Variants in ANKRD36C observed in about 807,000 individuals in gnomAD.
ANKRD36C encodes the protein ankyrin repeat domain 36C, also known as ankyrin repeat domain-containing protein 36C.
Under a neutral mutation model 276.4 loss-of-function variants are expected in ANKRD36C, and 61 were observed. The ratio of observed to expected loss-of-function variants is 0.22; its 90% CI spans 0.18 to 0.27. ANKRD36C has a LOEUF of 0.27. Ranked by LOEUF, ANKRD36C falls within the 10% of genes least tolerant of loss-of-function variation. ANKRD36C has a pLI of 1.00. For missense variants in ANKRD36C, 1,447 were observed against 2,032.3 expected (o/e 0.71, Z 5.54); for synonymous variants, 483 against 680.1 (o/e 0.71, Z 4.51).
intron 6 of ANKRD36C, among the ~76,000 whole-genome samples, chr2:95,975,477 G>A (rs1238389888): frequency 1.3e-5 from 2 of 152,028 alleles, no homozygotes; most frequent in African/African-American, 4.8e-5. Context: ...AATGCTGCAT[G>A]TCTACAACTA....
chr2:95,879,337 A>G (rs376403806), intron 58 of ANKRD36C, among the ~76,000 whole-genome samples: 1,551 of 152,078 alleles, frequency 0.01, 15 homozygotes, highest in African/African-American at 0.017. Context: ...AGGATGCTTA[A>G]TAAGTACAAA....
chr2:95,921,896 G>GACCT, intron 32 of ANKRD36C, 86 bp from the exon 33 acceptor site: 1 of 1,379,982 alleles, frequency 7.2e-7, no homozygotes, highest in Non-Finnish European at 9.8e-7. Context: ...AGCTGTATCT[G>GACCT]CCTGCCTGTA....
At chr2:95,893,124 G>T (rs1168462316) in intron 44 of ANKRD36C, among the ~76,000 whole-genome samples, 1 of 151,332 alleles carries the variant, frequency 6.6e-6, no homozygotes, top group African/African-American at 2.4e-5. Flanking sequence ...GGTCTCCTTA[G>T]TTCTCCTACA....
At chr2:95,885,159 T>C (rs1676172449) in intron 52 of ANKRD36C, among the ~76,000 whole-genome samples, 1 of 152,000 alleles carries the variant, frequency 6.6e-6, no homozygotes, top group African/African-American at 2.4e-5. Context: ...CCAATATTCA[T>C]TGAAAATGAC....
chr2:95,867,653 G>A (rs1256661927), intron 59 of ANKRD36C, 72 bp from the exon 80 acceptor site: 1 of 1,531,880 alleles, frequency 6.5e-7, no homozygotes, highest in Non-Finnish European at 8.8e-7. Flanking sequence ...TACAGAAGTG[G>A]GAATTGCCCA....
intron 13 of ANKRD36C, 131 bp downstream of exon 13, chr2:95,956,655 G>C: frequency 4.5e-6 from 4 of 890,216 alleles, no homozygotes; most frequent in Non-Finnish European, 6.4e-6. Flanking sequence ...GTGTGGAGAT[G>C]ACATGACATG....
At position 95,956,716 on chromosome 2, in the gene ANKRD36C, C is replaced by T. The variant is rs146041519; in HGVS notation, c.1136+70G>A. 135 of 1,379,922 alleles carry T rather than the reference C, an allele frequency of 9.8e-5. 1 individual carries two copies. In the African/African-American group the frequency reaches 1.2e-3, roughly 13 times the overall value. 85.5% of individuals were successfully genotyped at this position (1,379,922 alleles called of 1,614,324 possible). A position where few individuals can be genotyped will look rare whatever the true frequency, so the allele number is the denominator to read the frequency against. On this transcript the variant is annotated intron_variant, in intron 13 of 66. Coordinates refer to ENST00000456556, the Ensembl canonical transcript of ANKRD36C. ...GTCTAGCACAGAGGAGAACACTAAA[C>T]GGGCACTAGTTTCTATTCTCTCTAT...
intron 36 of ANKRD36C, among the ~76,000 whole-genome samples, chr2:95,916,914 G>A (rs1188879412): frequency 6.6e-6 from 1 of 151,518 alleles, no homozygotes; most frequent in South Asian, 2.1e-4. Context: ...ACTGCTACAA[G>A]CGTTAGATAT....
At chr2:95,852,466 T>A (rs1274035122) in intron 64 of ANKRD36C, 143 of 397,372 alleles carry the variant, frequency 3.6e-4, no homozygotes, top group Non-Finnish European at 5.5e-4. Context: ...AAGGATCTTA[T>A]GGCTCACAAA....
chr2:95,895,635 TAA>T, intron 44 of ANKRD36C, 45 bp from the exon 61 acceptor site: 5 of 1,565,246 alleles, frequency 3.2e-6, no homozygotes, highest in Non-Finnish European at 4.3e-6. Context: ...GTAAATATGA[TAA>T]AGTTATCCAT....
chr2:95,946,151 GA>G (rs2104474372), intron 17 of ANKRD36C, among the ~76,000 whole-genome samples: 1 of 47,834 alleles, frequency 2.1e-5, no homozygotes, highest in African/African-American at 6.9e-5. Flanking sequence ...GAGAGACAGA[GA>G]GAGGAAAAAA....
At chr2:95,980,238 T>C (rs903210832) in intron 5 of ANKRD36C, among the ~76,000 whole-genome samples, 5 of 152,114 alleles carry the variant, frequency 3.3e-5, no homozygotes, top group African/African-American at 1.2e-4. Context: ...AAAAATTCCA[T>C]GATCAGGCTA....
chr2:95,918,663 C>G (rs1677182156), intron 34 of ANKRD36C, among the ~76,000 whole-genome samples: 1 of 151,676 alleles, frequency 6.6e-6, no homozygotes, highest in Non-Finnish European at 1.5e-5. Flanking sequence ...CTTGGATCCA[C>G]TAGTTTATCC....
intron 58 of ANKRD36C, among the ~76,000 whole-genome samples, chr2:95,880,176 G>C (rs1676044503): frequency 6.6e-6 from 1 of 150,960 alleles, no homozygotes; most frequent in African/African-American, 2.4e-5. Flanking sequence ...GCAAAGCTCT[G>C]TCTCCAAAAA....
At chr2:95,858,691 G>C (rs904335901) in intron 61 of ANKRD36C, among the ~76,000 whole-genome samples, 2 of 152,140 alleles carry the variant, frequency 1.3e-5, no homozygotes, top group African/African-American at 4.8e-5. Flanking sequence ...TACATTGTAA[G>C]ATAGCATTTT....
intron 44 of ANKRD36C, 48 bp from the exon 63 acceptor site, chr2:95,893,772 A>G (rs563058935): frequency 1.2e-6 from 2 of 1,602,482 alleles, no homozygotes; most frequent in African/African-American, 1.3e-5. Context: ...AATATGACAA[A>G]GATATCCATA....
chr2:95,858,823 T>C (rs1207953995), intron 61 of ANKRD36C, among the ~76,000 whole-genome samples: 1 of 152,162 alleles, frequency 6.6e-6, no homozygotes, highest in Non-Finnish European at 1.5e-5. Context: ...TCTATCCTGC[T>C]GATTAGTATG....
intron 61 of ANKRD36C, 119 bp downstream of exon 81, chr2:95,859,742 T>C: frequency 8.5e-7 from 1 of 1,182,600 alleles, no homozygotes; most frequent in Non-Finnish European, 1.2e-6. Flanking sequence ...CTCCATAAGA[T>C]TAAGAAGCTT....
At chr2:95,851,573 T>C (rs1675292391) in intron 66 of ANKRD36C, 121 bp downstream of exon 86, 1 of 884,478 alleles carries the variant, frequency 1.1e-6, no homozygotes, top group African/African-American at 1.7e-5. Flanking sequence ...ATGCAAATAT[T>C]CCAAAATCTG....
Sources: gnomAD v4.1 joint callset for allele counts (sites outside exome capture counted in the v4.1 genomes callset) on GRCh38, gnomAD v4.1.1 for gene constraint, MANE v1.5 for transcripts, NCBI Gene and HGNC (gene_info 2026-07-23, HGNC 2026-07-21) for gene names.